ZNF512: variants seen among roughly 807,000 people sequenced by gnomAD.
ZNF512 encodes zinc finger protein 512.
A neutral mutation model predicts 77.5 loss-of-function variants in ZNF512; 25 were observed. That is an observed-to-expected ratio of 0.32 (90% CI 0.23 to 0.45). ZNF512 has a LOEUF of 0.45. Among genes scored for constraint, ZNF512 ranks in the 20% least tolerant of loss-of-function variants. The pLI, the probability that ZNF512 is intolerant of heterozygous loss-of-function variation, is 1.00. For missense variants in ZNF512, 483 were observed against 692.6 expected, an observed-to-expected ratio of 0.70 and a Z score of 3.40; for synonymous variants, 246 against 239.9, an observed-to-expected ratio of 1.03 and a Z score of -0.24.
At chr2:27,617,998 G>A (rs1026068001) in intron 13 of ZNF512, among the ~76,000 whole-genome samples, 8 of 150,246 alleles carry the variant, frequency 5.3e-5, no homozygotes, top group Non-Finnish European at 1.0e-4. Flanking sequence ...GCCCAATCTG[G>A]AGGGCTCACT....
At chr2:27,620,915 T>G (rs545813116) in intron 13 of ZNF512, among the ~76,000 whole-genome samples, 9 of 152,154 alleles carry the variant, frequency 5.9e-5, no homozygotes, top group African/African-American at 1.9e-4. Flanking sequence ...GTAAACAGAC[T>G]TTGTAGATCA....
At chr2:27,584,384 GT>G (rs1310796174) in intron 2 of ZNF512, among the ~76,000 whole-genome samples, 1 of 152,180 alleles carries the variant, frequency 6.6e-6, no homozygotes, top group African/African-American at 2.4e-5. Flanking sequence ...AAGGTGCTTA[GT>G]TTTTCCATGG....
intron 13 of ZNF512, among the ~76,000 whole-genome samples, chr2:27,619,176 G>A (rs879348153): frequency 5.9e-5 from 9 of 152,116 alleles, no homozygotes; most frequent in Non-Finnish European, 8.8e-5. Flanking sequence ...TTGGGAGGCC[G>A]AGGCGGGCAG....
chr2:27,608,161 G>A, intron 10 of ZNF512, 122 bp downstream of exon 10: 1 of 921,420 alleles, frequency 1.1e-6, no homozygotes, highest in Non-Finnish European at 1.6e-6. Context: ...GTTTATCTTT[G>A]GAGATAGAGT....
At position 27,592,667 on chromosome 2, in the gene ZNF512, C is replaced by CTTT. The variant is rs139890307; in HGVS notation, c.90-5372_90-5370dup. On this transcript the variant is annotated intron_variant, in intron 2 of 13. Coordinates refer to ENST00000355467, the MANE Select transcript of ZNF512 (RefSeq NM_032434.4). ...TACCCATATAATTTACCATGTTTAC[C>CTTT]TTTTTTTTTTTTTTTTTTTTTTTTT... Among the ~76,000 whole-genome samples the CTTT allele has an allele frequency of 1.4e-3, 113 of 81,554 alleles. 7 individuals are homozygous for CTTT. The highest frequency in any genetic ancestry group is 2.4e-3 in the Non-Finnish European group (101 of 42,722). The allele number at this position is 81,554 out of a possible 152,430, so 53.5% of individuals were successfully genotyped here.
chr2:27,594,243 C>T (rs1671734055), intron 2 of ZNF512, among the ~76,000 whole-genome samples: 1 of 150,726 alleles, frequency 6.6e-6, no homozygotes, highest in Non-Finnish European at 1.5e-5. Flanking sequence ...AGGCGCTCCT[C>T]ACATCCCAGA....
At chr2:27,607,152 C>CT (rs1339247245) in intron 9 of ZNF512, among the ~76,000 whole-genome samples, 9 of 152,276 alleles carry the variant, frequency 5.9e-5, no homozygotes, top group African/African-American at 2.2e-4. Flanking sequence ...GTTTGATTGA[C>CT]TAACTGATGA....
chr2:27,593,639 C>G (rs558746421), intron 2 of ZNF512, among the ~76,000 whole-genome samples: 248 of 152,120 alleles, frequency 1.6e-3, no homozygotes, highest in African/African-American at 5.8e-3. Flanking sequence ...AAAGATGTAT[C>G]TTGGTATGTT....
At chr2:27,602,171 A>G (rs1043273417) in intron 7 of ZNF512, among the ~76,000 whole-genome samples, 24 of 152,244 alleles carry the variant, frequency 1.6e-4, no homozygotes, top group African/African-American at 5.1e-4. Flanking sequence ...GACCGTTTTG[A>G]TAAAAGAGTT....
Position 27,601,308 on chromosome 2 carries a change from T to C in ZNF512, c.583-48T>C, listed in dbSNP as rs185372810. 4.8e-4 allele frequency: 676 copies of C among 1,394,460 alleles called. 3 individuals are homozygous for C. The African/African-American group carries it at 8.6e-3, about 18-fold the overall frequency. 86.4% of individuals were successfully genotyped at this position (1,394,460 alleles called of 1,614,324 possible). The stretch of plus-strand genomic sequence containing the variant: ...ATTTGAGTCGGACTTCATGACATTC[T>C]GTTTCTCTGTGGAACAACCTAGCAC... On this transcript the variant is annotated intron_variant, in intron 6 of 13. Coordinates refer to ENST00000355467, the MANE Select transcript of ZNF512 (RefSeq NM_032434.4).
chr2:27,609,493 G>A (rs1672515041), intron 10 of ZNF512, among the ~76,000 whole-genome samples: 1 of 152,086 alleles, frequency 6.6e-6, no homozygotes, highest in South Asian at 2.1e-4. Context: ...ACTTTGGGAG[G>A]CTGAGGTGGG....
chr2:27,592,475 C>T (rs1023736512), intron 2 of ZNF512, among the ~76,000 whole-genome samples: 1 of 151,598 alleles, frequency 6.6e-6, no homozygotes, highest in East Asian at 1.9e-4. Flanking sequence ...GCTACCACAC[C>T]CAGCTAATTT....
At chr2:27,589,926 C>T (rs953559421) in intron 2 of ZNF512, among the ~76,000 whole-genome samples, 2 of 152,142 alleles carry the variant, frequency 1.3e-5, no homozygotes, top group Non-Finnish European at 2.9e-5. Flanking sequence ...AGAGAATACA[C>T]TGTGTAATTC....
intron 8 of ZNF512, among the ~76,000 whole-genome samples, 167 bp from the exon 9 acceptor site, chr2:27,602,973 C>T (rs1435179880): frequency 6.6e-6 from 1 of 152,034 alleles, no homozygotes; most frequent in African/African-American, 2.4e-5. Context: ...AGTAAGATGG[C>T]CAGAGACAAG....
At chr2:27,610,460 TTATATATGTGTATATGTGTATATA>T (rs1420302480) in intron 10 of ZNF512, among the ~76,000 whole-genome samples, 2 of 138,010 alleles carry the variant, frequency 1.4e-5, no homozygotes, top group East Asian at 2.1e-4. Context: ...ATCAAATAGG[TTATATATGTGTATATGTGTATATA>T]TATATATGTG....
At chr2:27,614,677 CAA>C (rs34716327) in intron 10 of ZNF512, among the ~76,000 whole-genome samples, 68 of 100,462 alleles carry the variant, frequency 6.8e-4, no homozygotes, top group South Asian at 9.4e-4. Context: ...GACTCCATCT[CAA>C]AAAAAAAAAA....
At chr2:27,603,556 CTT>C (rs773361238) in intron 9 of ZNF512, among the ~76,000 whole-genome samples, 4 of 103,012 alleles carry the variant, frequency 3.9e-5, no homozygotes, top group Non-Finnish European at 5.6e-5. Context: ...TATTTTATAT[CTT>C]ATATATTTTT....
intron 13 of ZNF512, among the ~76,000 whole-genome samples, chr2:27,619,131 T>G (rs1301912136): frequency 1.3e-5 from 2 of 152,196 alleles, no homozygotes; most frequent in Non-Finnish European, 1.5e-5. Flanking sequence ...AATTATCGGC[T>G]GGGCACGGTG....
At chr2:27,619,436 G>T (rs555627020) in intron 13 of ZNF512, among the ~76,000 whole-genome samples, 2 of 152,228 alleles carry the variant, frequency 1.3e-5, no homozygotes, top group East Asian at 3.9e-4. Flanking sequence ...ACAAAATCTG[G>T]CCTTTATATA....
Sources: gnomAD v4.1 joint callset for allele counts (sites outside exome capture counted in the v4.1 genomes callset) on GRCh38, gnomAD v4.1.1 for gene constraint, MANE v1.5 for transcripts, NCBI Gene and HGNC (gene_info 2026-07-23, HGNC 2026-07-21) for gene names.